The following DEPTOR variants were observed in gnomAD, a reference collection of about 807,000 sequenced individuals.
DEPTOR encodes DEP domain containing MTOR interacting protein.
DEPTOR carries 41 observed loss-of-function variants against 41.6 expected under a neutral mutation model. That is an observed-to-expected ratio of 0.98 (90% CI 0.77 to 1.28). The LOEUF (loss-of-function observed/expected upper bound fraction) is 1.28, where lower values mean the gene tolerates loss of function less well. DEPTOR is among the 50% of genes most tolerant of loss of function. The pLI is 0.00. For missense variants in DEPTOR, 514 were observed against 527.9 expected (o/e 0.97, Z 0.26); for synonymous variants, 195 against 192.3 (o/e 1.01, Z -0.12).
chr8:119,896,112 T>C (rs1827517080), intron 1 of DEPTOR, among the ~76,000 whole-genome samples: 1 of 152,224 alleles, frequency 6.6e-6, no homozygotes, highest in African/African-American at 2.4e-5. Flanking sequence ...GTAGATTTTC[T>C]TTCAACCTTC....
chr8:119,881,471 C>G (rs548011627), intron 1 of DEPTOR, among the ~76,000 whole-genome samples: 1 of 151,726 alleles, frequency 6.6e-6, no homozygotes, highest in Non-Finnish European at 1.5e-5. Context: ...TTGCAGTGAG[C>G]TGAGATGGCA....
At chr8:119,947,119 T>C (rs1828289225) in intron 3 of DEPTOR, among the ~76,000 whole-genome samples, 1 of 152,224 alleles carries the variant, frequency 6.6e-6, no homozygotes, top group Non-Finnish European at 1.5e-5. Flanking sequence ...ATTGTCCTCA[T>C]TATGTACAAG....
Position 119,954,031 on chromosome 8 carries a change from C to A in DEPTOR, c.426-11201C>A, listed in dbSNP as rs188607174. On this transcript the variant is annotated intron_variant, in intron 3 of 8. Coordinates refer to ENST00000286234, the MANE Select transcript of DEPTOR (RefSeq NM_022783.4). Reference sequence around the variant, plus strand: ...ATGTTGGCCAGGCTGGTCTCAAGATCCTGACCTCAGGTGATCCACCCGCCT... The same window carrying A: ...ATGTTGGCCAGGCTGGTCTCAAGATACTGACCTCAGGTGATCCACCCGCCT... Among the ~76,000 whole-genome samples, 376 of 114,960 alleles carry A rather than the reference C, an allele frequency of 3.3e-3. 2 individuals carry two copies. Among genetic ancestry groups the A allele is most frequent in the African/African-American group, 9.9e-3 (340 of 34,188 alleles). 75.4% of individuals were successfully genotyped at this position (114,960 alleles called of 152,430 possible). A position where few individuals can be genotyped will look rare whatever the true frequency, so the allele number is the denominator to read the frequency against.
intron 1 of DEPTOR, among the ~76,000 whole-genome samples, chr8:119,901,536 T>G (rs1207816878): frequency 6.6e-6 from 1 of 151,778 alleles, no homozygotes; most frequent in Non-Finnish European, 1.5e-5. Context: ...ATTAGCTGTG[T>G]GTGGTGGCAT....
At chr8:119,916,260 A>C (rs1827812253) in intron 1 of DEPTOR, among the ~76,000 whole-genome samples, 1 of 135,194 alleles carries the variant, frequency 7.4e-6, no homozygotes. Flanking sequence ...CCACCAGGCT[A>C]GGCTAATTTT....
At chr8:119,900,040 G>T (rs1168475366) in intron 1 of DEPTOR, among the ~76,000 whole-genome samples, 1 of 152,038 alleles carries the variant, frequency 6.6e-6, no homozygotes, top group Non-Finnish European at 1.5e-5. Flanking sequence ...ATAGATGTCG[G>T]CTGGGCGCAG....
At chr8:120,002,791 A>AAAAAAATATATATATATAT in intron 5 of DEPTOR, among the ~76,000 whole-genome samples, 186 bp from the exon 6 acceptor site, 3 of 60,674 alleles carry the variant, frequency 4.9e-5, no homozygotes, top group African/African-American at 7.6e-5. Flanking sequence ...AAAAAAAAAA[A>AAAAAAATATATATATATAT]ATATATATAT....
intron 1 of DEPTOR, among the ~76,000 whole-genome samples, chr8:119,911,587 G>C (rs762288651): frequency 6.6e-6 from 1 of 152,148 alleles, no homozygotes; most frequent in Non-Finnish European, 1.5e-5. Context: ...CAAAGTGCTA[G>C]GATTACAGGC....
intron 1 of DEPTOR, among the ~76,000 whole-genome samples, chr8:119,902,288 C>T (rs1827604793): frequency 6.6e-6 from 1 of 152,140 alleles, no homozygotes; most frequent in South Asian, 2.1e-4. Context: ...AACTAAGTGA[C>T]TTGGCCATGG....
At chr8:119,960,047 G>A (rs1366316129) in intron 3 of DEPTOR, among the ~76,000 whole-genome samples, 1 of 151,838 alleles carries the variant, frequency 6.6e-6, no homozygotes, top group African/African-American at 2.4e-5. Context: ...AGCCAACATG[G>A]TGAAACCTCA....
rs573415282 is a variant in DEPTOR at position 120,027,428 on chromosome 8, G to A, written c.1101+18295G>A. Among the ~76,000 whole-genome samples, 16 of 151,930 alleles carry A rather than the reference G, an allele frequency of 1.1e-4. No individual in the cohort carries two copies. In the South Asian group the frequency reaches 3.3e-3, roughly 32 times the overall value. On this transcript the variant is annotated intron_variant, in intron 8 of 8. Coordinates refer to ENST00000286234, the MANE Select transcript of DEPTOR (RefSeq NM_022783.4). ...CAAGTTAAGAGTAAATTCTAGGCCG[G>A]GCTCAGTGGTTCACACCTGTAATCC...
chr8:120,003,466 AG>A (rs1812387187), intron 6 of DEPTOR, among the ~76,000 whole-genome samples: 1 of 152,136 alleles, frequency 6.6e-6, no homozygotes, highest in South Asian at 2.1e-4. Context: ...TGGGCAAAGC[AG>A]GTGTCTTCAG....
At position 119,997,557 on chromosome 8, in the gene DEPTOR, T is replaced by C. The variant is rs182583841; in HGVS notation, c.605-3968T>C. Among the ~76,000 whole-genome samples, 100 of 152,282 alleles carry C rather than the reference T, an allele frequency of 6.6e-4. 1 individual carries two copies. The highest frequency in any genetic ancestry group is 2.2e-3 in the African/African-American group (93 of 41,562). ...GTCCAGATTATTTATTAAGAACATG[T>C]AGAAATACCACTGAATTAACTATAC... is the stretch of plus-strand genomic sequence containing the variant. On this transcript the variant is annotated intron_variant, in intron 4 of 8. Transcript: ENST00000286234.
At chr8:120,002,791 A>AAATATATATATATATATATATATAT in intron 5 of DEPTOR, among the ~76,000 whole-genome samples, 186 bp from the exon 6 acceptor site, 9 of 60,674 alleles carry the variant, frequency 1.5e-4, no homozygotes, top group African/African-American at 3.0e-4. Context: ...AAAAAAAAAA[A>AAATATATATATATATATATATATAT]ATATATATAT....
intron 4 of DEPTOR, among the ~76,000 whole-genome samples, chr8:119,991,538 G>A (rs752524716): frequency 2.0e-5 from 3 of 152,030 alleles, no homozygotes; most frequent in Non-Finnish European, 2.9e-5. Context: ...GGCTGGTCTC[G>A]AACTCCTGGC....
At chr8:120,048,267 G>C (rs1813182897) in intron 8 of DEPTOR, among the ~76,000 whole-genome samples, 1 of 152,222 alleles carries the variant, frequency 6.6e-6, no homozygotes, top group Non-Finnish European at 1.5e-5. Flanking sequence ...TCTGGGTTGG[G>C]AAGGAGGTGA....
At chr8:119,921,192 G>C (rs984688211) in intron 1 of DEPTOR, among the ~76,000 whole-genome samples, 1 of 152,142 alleles carries the variant, frequency 6.6e-6, no homozygotes, top group African/African-American at 2.4e-5. Context: ...GGCCAGGTTG[G>C]TCTCGAACTC....
At chr8:119,892,525 G>A (rs1374660531) in intron 1 of DEPTOR, among the ~76,000 whole-genome samples, 1 of 152,178 alleles carries the variant, frequency 6.6e-6, no homozygotes, top group East Asian at 1.9e-4. Context: ...GAAATGGGTA[G>A]CACGTGTCCA....
chr8:119,994,177 G>A (rs575344087), intron 4 of DEPTOR, among the ~76,000 whole-genome samples: 53 of 152,092 alleles, frequency 3.5e-4, no homozygotes, highest in African/African-American at 1.2e-3. Flanking sequence ...CAGGCTGAGC[G>A]TGTTGGCTCA....
Sources: gnomAD v4.1 joint callset for allele counts (sites outside exome capture counted in the v4.1 genomes callset) on GRCh38, gnomAD v4.1.1 for gene constraint, MANE v1.5 for transcripts, NCBI Gene and HGNC (gene_info 2026-07-23, HGNC 2026-07-21) for gene names.